The following TGM2 variants were observed in gnomAD, a reference collection of about 807,000 sequenced individuals.
TGM2 encodes transglutaminase 2, also known as protein-glutamine gamma-glutamyltransferase 2.
In TGM2, 53 loss-of-function variants were observed where a neutral mutation model predicts 75.6. The observed-to-expected ratio is 0.70, with a 90% CI of 0.56 to 0.88. The LOEUF (loss-of-function observed/expected upper bound fraction) is 0.88, where lower values mean the gene tolerates loss of function less well. Among genes scored for constraint, TGM2 ranks in the 40% least tolerant of loss-of-function variants. The pLI, the probability that TGM2 is intolerant of heterozygous loss-of-function variation, is 0.00. For synonymous variants in TGM2, 374 were observed against 381.1 expected (o/e 0.98, Z 0.22); for missense variants, 842 against 928.5 (o/e 0.91, Z 1.21).
intron 12 of TGM2, among the ~76,000 whole-genome samples, chr20:38,130,641 G>A (rs1286820918): frequency 2.0e-5 from 3 of 152,216 alleles, no homozygotes; most frequent in Non-Finnish European, 4.4e-5. Context: ...AAAATGTATT[G>A]AGCTGTACAT....
rs191140958 is a variant in TGM2 at position 38,153,977 on chromosome 20, G to C, written c.433+1870C>G. Among the ~76,000 whole-genome samples, 33 of 152,206 alleles carry C rather than the reference G, an allele frequency of 2.2e-4. No homozygotes were observed. In the East Asian group the frequency reaches 5.8e-3, roughly 27 times the overall value. ...GACTACAGATGTGTGTCATCACATC[G>C]GTCTAATTTTTGTATTTTTTATAGA... On this transcript the variant is annotated intron_variant, in intron 3 of 12. Transcript: ENST00000361475.
chr20:38,168,364 C>T (rs1270303633), upstream of TGM2, among the ~76,000 whole-genome samples: 6 of 152,338 alleles, frequency 3.9e-5, no homozygotes, highest in East Asian at 1.2e-3. Flanking sequence ...AAACTGTGCC[C>T]TGTCTTACCT....
chr20:38,166,450 C>T (rs2075310662), upstream of TGM2: 2 of 151,726 alleles, frequency 1.3e-5, no homozygotes, highest in South Asian at 4.2e-4. Context: ...AACCAGGGGT[C>T]CTATCTCTCA....
At chr20:38,154,063 CT>C (rs1276942490) in intron 3 of TGM2, among the ~76,000 whole-genome samples, 2 of 152,188 alleles carry the variant, frequency 1.3e-5, no homozygotes, top group African/African-American at 4.8e-5. Context: ...AGTGATCCCC[CT>C]GCCTCAGCCT....
chr20:38,159,544 A>AAAAT (rs1425006071), intron 2 of TGM2, among the ~76,000 whole-genome samples: 1 of 146,916 alleles, frequency 6.8e-6, no homozygotes, highest in African/African-American at 2.5e-5. Flanking sequence ...GAAAGAAAGA[A>AAAAT]AAATAAATAA....
At chr20:38,135,550 C>CCAGGCAG (rs45481702) in intron 10 of TGM2, among the ~76,000 whole-genome samples, 3 of 151,398 alleles carry the variant, frequency 2.0e-5, no homozygotes, top group East Asian at 2.0e-4. Context: ...GAGCCCACAG[C>CCAGGCAG]CAGGCAGCAG....
intron 3 of TGM2, 27 bp from the exon 4 acceptor site, chr20:38,151,084 G>T (rs1366408658): frequency 6.3e-7 from 1 of 1,581,750 alleles, no homozygotes; most frequent in South Asian, 1.1e-5. Flanking sequence ...AGGGACCTCA[G>T]CTCTGGGTCT....
At chr20:38,141,937 C>T in intron 7 of TGM2, 127 bp downstream of exon 7, 1 of 1,179,060 alleles carries the variant, frequency 8.5e-7, no homozygotes, top group Non-Finnish European at 1.2e-6. Flanking sequence ...TTCCCCAAGC[C>T]TGCTCAAATA....
Position 38,151,864 on chromosome 20 carries a change from G to A in TGM2, c.434-807C>T, listed in dbSNP as rs1005007991. ...CAGGGCATTTAGTTGTCTGTGGCCA[G>A]TGAGGGGAGAAGAAGGAGCTGAGGA... On this transcript the variant is annotated intron_variant, in intron 3 of 12. Coordinates refer to ENST00000361475, the MANE Select transcript of TGM2 (RefSeq NM_004613.4). Among the ~76,000 whole-genome samples the A allele has an allele frequency of 7.6e-4, 116 of 152,334 alleles. 1 individual carries two copies. Among genetic ancestry groups the A allele is most frequent in the African/African-American group, 2.6e-3 (109 of 41,578 alleles).
rs375107938 is a variant in TGM2, at chr20:38,138,352, G to A, written c.1376C>T (p.Ala459Val). 49 of 1,613,946 alleles carry A rather than the reference G, an allele frequency of 3.0e-5. No homozygotes were observed. The African/African-American group carries it at 5.5e-4, about 18-fold the overall frequency. ...SSEEREAFTR[A>V]NHLNKLAEKE... ...CTCGGCCAGTTTGTTCAGGTGGTTC[G>A]CCCTTGTGAAGGCCTCCCTCTCCTC... Residue 459 changes from alanine (A) to valine (V), a missense_variant, in exon 10 of 13, where the codon GCG becomes GTG. Coordinates refer to ENST00000361475, the MANE Select transcript of TGM2 (RefSeq NM_004613.4).
intron 2 of TGM2, among the ~76,000 whole-genome samples, chr20:38,159,007 C>T (rs896811737): frequency 5.9e-5 from 9 of 152,152 alleles, no homozygotes; most frequent in Non-Finnish European, 1.2e-4. Context: ...TGGCTGCCTA[C>T]AGGGGCTGCG....
At chr20:38,149,429 G>A (rs2075087040) in intron 4 of TGM2, among the ~76,000 whole-genome samples, 1 of 152,124 alleles carries the variant, frequency 6.6e-6, no homozygotes, top group African/African-American at 2.4e-5. Context: ...TGTAATCCCA[G>A]CACTTTGGGA....
rs149774911 is a variant in TGM2 at position 38,140,597 on chromosome 20, C to T, written c.1099+685G>A. On this transcript the variant is annotated intron_variant, in intron 8 of 12. Transcript: ENST00000361475. ...ACTTGTCACTCATAAGAACCACAGGCGTGGTCATTACAACCTTACAGCTGT... is the reference window on the plus strand; with the variant it reads ...ACTTGTCACTCATAAGAACCACAGGTGTGGTCATTACAACCTTACAGCTGT... Among the ~76,000 whole-genome samples, 45 of 152,246 alleles carry T rather than the reference C, an allele frequency of 3.0e-4. No homozygotes were observed. The East Asian group carries it at 7.5e-3, about 25-fold the overall frequency.
intron 7 of TGM2, 71 bp from the exon 8 acceptor site, chr20:38,141,456 C>G: frequency 8.5e-7 from 1 of 1,178,910 alleles, no homozygotes; most frequent in Non-Finnish European, 1.2e-6. Flanking sequence ...CACGGGCAGA[C>G]CATGCATTCA....
At position 38,154,754 on chromosome 20, in the gene TGM2, C is replaced by G. The variant is rs45600341; in HGVS notation, c.433+1093G>C. On this transcript the variant is annotated intron_variant, in intron 3 of 12. Coordinates refer to ENST00000361475, the MANE Select transcript of TGM2 (RefSeq NM_004613.4). Reference sequence around the variant, plus strand: ...TCACCCCCCTCCCCCAGCCCTCCCCCCAACCTCACCTCCGGGTTTCCCTTC... The same window carrying G: ...TCACCCCCCTCCCCCAGCCCTCCCCGCAACCTCACCTCCGGGTTTCCCTTC... Among the ~76,000 whole-genome samples, 43 of 152,170 alleles carry G rather than the reference C, an allele frequency of 2.8e-4. 1 individual carries two copies. In the South Asian group the frequency reaches 7.1e-3, roughly 25 times the overall value.
intron 2 of TGM2, 61 bp downstream of exon 2, chr20:38,161,359 C>T (rs879531647): frequency 2.7e-5 from 43 of 1,591,920 alleles, no homozygotes; most frequent in Middle Eastern, 1.7e-4. Context: ...TGGGGCATGT[C>T]GGGGTGGAGA....
upstream of TGM2, among the ~76,000 whole-genome samples, chr20:38,167,919 A>G (rs987054046): frequency 7.4e-4 from 112 of 152,228 alleles, no homozygotes; most frequent in African/African-American, 2.5e-3. Context: ...CAGTTTCCTC[A>G]TTTGTAAAAT....
chr20:38,164,446 T>G (rs944940226), intron 1 of TGM2, among the ~76,000 whole-genome samples: 7 of 151,478 alleles, frequency 4.6e-5, no homozygotes, highest in African/African-American at 1.7e-4. Context: ...GGGGAGGGAG[T>G]CAGGGGCACC....
intron 12 of TGM2, 95 bp from the exon 13 acceptor site, chr20:38,130,464 A>G (rs2074814021): frequency 3.7e-6 from 5 of 1,358,948 alleles, no homozygotes; most frequent in East Asian, 5.0e-5. Context: ...TCCGAGGATC[A>G]GCACAGCGTG....
Sources: gnomAD v4.1 joint callset for allele counts (sites outside exome capture counted in the v4.1 genomes callset) on GRCh38, gnomAD v4.1.1 for gene constraint, MANE v1.5 for transcripts, NCBI Gene and HGNC (gene_info 2026-07-23, HGNC 2026-07-21) for gene names.